P4HB: variants seen among roughly 807,000 people sequenced by gnomAD.
P4HB encodes the protein protein disulfide-isomerase.
A neutral mutation model predicts 52.6 loss-of-function variants in P4HB; 20 were observed. The observed-to-expected ratio is 0.38, with a 90% CI of 0.27 to 0.55. P4HB has a LOEUF of 0.55. P4HB is among the 20% of genes least tolerant of loss of function. The pLI is 0.74. For synonymous variants in P4HB, 296 were observed against 277.9 expected (o/e 1.07, Z -0.65); for missense variants, 601 against 669.2 (o/e 0.90, Z 1.12).
chr17:81,848,737 A>C (rs2038779581), intron 4 of P4HB, among the ~76,000 whole-genome samples: 1 of 75,966 alleles, frequency 1.3e-5, no homozygotes, highest in Non-Finnish European at 2.6e-5. Flanking sequence ...ACTCTGTCTC[A>C]AAAAAAAAAA....
chr17:81,850,423 A>C (rs1039760775), intron 4 of P4HB, among the ~76,000 whole-genome samples: 2 of 152,130 alleles, frequency 1.3e-5, no homozygotes, highest in African/African-American at 2.4e-5. Context: ...GGTGTGAGCC[A>C]CTGCACCTGG....
At chr17:81,847,105 T>G (rs2038747325) in intron 5 of P4HB, 33 bp from the exon 6 acceptor site, 2 of 1,613,440 alleles carry the variant, frequency 1.2e-6, no homozygotes, top group Middle Eastern at 1.6e-4. Flanking sequence ...TGGGTCTGAG[T>G]CACACACTAT....
At chr17:81,858,041 C>T (rs1202579014) in intron 2 of P4HB, among the ~76,000 whole-genome samples, 2 of 151,884 alleles carry the variant, frequency 1.3e-5, no homozygotes, top group South Asian at 2.1e-4. Context: ...TCTAGGAGGC[C>T]GAGACGGGTG....
Position 81,860,510 on chromosome 17 carries a change from G to A in P4HB, c.-39C>T, listed in dbSNP as rs1485856838. 4 of 1,239,418 alleles carry A rather than the reference G, an allele frequency of 3.2e-6. No individual in the cohort carries two copies. Among genetic ancestry groups the A allele is most frequent in the Non-Finnish European group, 4.0e-6 (4 of 989,660 alleles). The allele number at this position is 1,239,418 out of a possible 1,614,324, so 76.8% of individuals were successfully genotyped here. A position where few individuals can be genotyped will look rare whatever the true frequency, so the allele number is the denominator to read the frequency against. ...CAGGCGGGGCGCTTCGGTTGGCGCC[G>A]CCGGGACAGCGGGGGCGACGAGAGC... On this transcript the variant is annotated 5_prime_UTR_variant, in exon 1 of 11. Coordinates refer to ENST00000331483, the MANE Select transcript of P4HB (RefSeq NM_000918.4).
chr17:81,844,152 C>A (rs2038695650), intron 10 of P4HB, 60 bp from the exon 11 acceptor site: 1 of 1,135,610 alleles, frequency 8.8e-7, no homozygotes, highest in East Asian at 2.3e-5. Flanking sequence ...AGGCTGCCGG[C>A]CCCCAGCACC....
intron 2 of P4HB, among the ~76,000 whole-genome samples, chr17:81,856,323 C>A (rs539787463): frequency 6.6e-6 from 1 of 151,058 alleles, no homozygotes; most frequent in Non-Finnish European, 1.5e-5. Context: ...TGTGCCACCA[C>A]ACCCAACTAA....
Position 81,846,433 on chromosome 17 carries a change from A to C in P4HB, c.1052T>G (p.Ile351Ser). The C allele has an allele frequency of 6.2e-7, 1 of 1,613,238 alleles. No individual in the cohort carries two copies. The highest frequency in any genetic ancestry group is 8.5e-7 in the Non-Finnish European group (1 of 1,179,990). ...GGCCCGGGGACGCGCCTGCACCTTG[A>C]TTTTGCCCTCCAGGAAGCGGTGGCA... Reference protein sequence around the residue: ...EFCHRFLEGKIKPHLMSQELP... With the variant: ...EFCHRFLEGKSKPHLMSQELP... The change falls in exon 7 of 11, where the codon ATC becomes AGC. Residue 351 changes from isoleucine to serine, a missense_variant. By Grantham distance (142) the Ile-to-Ser change is moderately radical. Coordinates refer to ENST00000331483, the MANE Select transcript of P4HB (RefSeq NM_000918.4). This position sits in a 1 kb window ranked among gnomAD's most constrained non-coding sequence, Gnocchi z 5.7.
At chr17:81,851,088 G>A (rs942096126) in intron 4 of P4HB, among the ~76,000 whole-genome samples, 2 of 151,988 alleles carry the variant, frequency 1.3e-5, no homozygotes, top group East Asian at 1.9e-4. Context: ...CCGCCACCAC[G>A]CCCGGCTAAT....
chr17:81,848,062 C>T (rs921700435), intron 4 of P4HB, among the ~76,000 whole-genome samples: 4 of 152,042 alleles, frequency 2.6e-5, no homozygotes, highest in Admixed American at 6.6e-5. Flanking sequence ...CCGCCACCAC[C>T]GGCTAATTTT....
At position 81,859,300 on chromosome 17, in the gene P4HB, C is replaced by G. The variant is rs377276762; in HGVS notation, c.233G>C (p.Arg78Thr). Residue 78 changes from arginine to threonine, a missense_variant, in exon 2 of 11, where the codon AGG becomes ACG. Arg to Thr is a moderately conservative substitution (Grantham distance 71, BLOSUM62 -1). Transcript: ENST00000331483. ...GKLKAEGSEIRLAKVDATEES... is the reference protein window; with the variant it reads ...GKLKAEGSEITLAKVDATEES... Reference sequence around the variant, plus strand: ...CTCCGTGGCGTCCACCTTGGCCAACCTGATCTCGGAACCTTCTGCCTTCAG... The same window carrying G: ...CTCCGTGGCGTCCACCTTGGCCAACGTGATCTCGGAACCTTCTGCCTTCAG... 17 of 1,613,926 alleles carry G rather than the reference C, an allele frequency of 1.1e-5. No individual in the cohort carries two copies. The highest frequency in any genetic ancestry group is 6.6e-5 in the South Asian group (6 of 91,092).
intron 4 of P4HB, among the ~76,000 whole-genome samples, chr17:81,852,351 G>C (rs1287829624): frequency 6.6e-6 from 1 of 152,118 alleles, no homozygotes; most frequent in Non-Finnish European, 1.5e-5. Context: ...GGCCACACAA[G>C]AGCACCCGAC....
chr17:81,858,973 G>C lies in P4HB; in HGVS notation c.352+208C>G, dbSNP rs2038956856. 8.6e-6 allele frequency: 5 copies of C among 581,112 alleles called. No homozygotes were observed. In the South Asian group the frequency reaches 1.0e-4, roughly 12 times the overall value. 36.0% of individuals were successfully genotyped at this position (581,112 alleles called of 1,614,324 possible). A position where few individuals can be genotyped will look rare whatever the true frequency, so the allele number is the denominator to read the frequency against. On this transcript the variant is annotated intron_variant, in intron 2 of 10. Coordinates refer to ENST00000331483, the MANE Select transcript of P4HB (RefSeq NM_000918.4). Reference sequence around the variant, plus strand: ...CCCCAGGATGGCACCAGACAAGACAGGTTCTCCATTCGAAGGTTCTTCCAG... The same window carrying C: ...CCCCAGGATGGCACCAGACAAGACACGTTCTCCATTCGAAGGTTCTTCCAG...
chr17:81,860,150 C>G, intron 1 of P4HB, 177 bp downstream of exon 1: 3 of 477,294 alleles, frequency 6.3e-6, no homozygotes, highest in Non-Finnish European at 1.0e-5. Flanking sequence ...CGGCTCCCAG[C>G]CCGGCTCTCA....
chr17:81,855,491 C>T lies in P4HB; in HGVS notation c.448G>A (p.Val150Met). 2.5e-6 allele frequency: 4 copies of T among 1,613,966 alleles called. No homozygotes were observed. Among genetic ancestry groups the T allele is most frequent in the Non-Finnish European group, 3.4e-6 (4 of 1,180,004 alleles). ...ATGACAGCCACCTCGCTGGACTCCACCAAGGACTCTGCAGCTGCGCCGTCA... is the reference window on the plus strand; with the variant it reads ...ATGACAGCCACCTCGCTGGACTCCATCAAGGACTCTGCAGCTGCGCCGTCA... ...LPDGAAAESL[V>M]ESSEVAVIGF... Residue 150 changes from valine (V) to methionine (M), a missense_variant, in exon 3 of 11, where the codon GTG (valine) becomes ATG (methionine). Physicochemically the swap from Val to Met is conservative, Grantham distance 21. Transcript: ENST00000331483. This position sits in a 1 kb window ranked among gnomAD's most constrained non-coding sequence, Gnocchi z 4.3.
chr17:81,855,356 G>C lies in P4HB; in HGVS notation c.487-77C>G. 6.2e-7 allele frequency: 1 copy of C among 1,601,554 alleles called. No individual in the cohort carries two copies. The highest frequency in any genetic ancestry group is 8.5e-7 in the Non-Finnish European group (1 of 1,170,838). ...GTAGGGCAGACCCTGTAGAGCCCAGGCCAGGGGGGACACGTGCAGAACTGC... is the reference window on the plus strand; with the variant it reads ...GTAGGGCAGACCCTGTAGAGCCCAGCCCAGGGGGGACACGTGCAGAACTGC... On this transcript the variant is annotated intron_variant, in intron 3 of 10. Transcript: ENST00000331483. The surrounding 1 kb of genome is among the most constrained non-coding windows in gnomAD (Gnocchi z 4.3).
At position 81,845,956 on chromosome 17, in the gene P4HB, C is replaced by T; in HGVS notation, c.1092G>A (p.Trp364Ter). 1 of 1,612,858 alleles carries T rather than the reference C, an allele frequency of 6.2e-7. No homozygotes were observed. The highest frequency in any genetic ancestry group is 8.5e-7 in the Non-Finnish European group (1 of 1,179,472). ...CAAGCACCTTGACAGGCTGCTTGTC[C>T]CAGTCCTCCGGCAGCTCCTGGCTCA... ...HLMSQELPED[W>*]DKQPVKVLVG... The change falls in exon 8 of 11, where the codon TGG (tryptophan) becomes TGA (stop). Residue 364 changes from tryptophan (W) to a stop codon, truncating the protein, a stop_gained. Transcript: ENST00000331483. LOFTEE classifies it high-confidence loss of function.
intron 4 of P4HB, among the ~76,000 whole-genome samples, chr17:81,853,528 C>G (rs538219332): frequency 6.6e-6 from 1 of 151,550 alleles, no homozygotes; most frequent in African/African-American, 2.4e-5. Context: ...GAGCTGAGAT[C>G]GCGCCACTGC....
chr17:81,858,866 G>C, intron 2 of P4HB: 1 of 343,738 alleles, frequency 2.9e-6, no homozygotes, highest in South Asian at 3.3e-5. Context: ...ACAGGGGGCA[G>C]CACAAACAGC....
intron 2 of P4HB, among the ~76,000 whole-genome samples, chr17:81,858,257 CAAAAAAAA>C (rs901002093): frequency 0.014 from 542 of 38,788 alleles, 3 homozygotes; most frequent in Non-Finnish European, 0.023. Context: ...GAGACTGTCT[CAAAAAAAA>C]AAAAAAAAAA....
Sources: allele counts gnomAD v4.1 joint callset (sites outside exome capture counted in the v4.1 genomes callset), GRCh38; gene constraint gnomAD v4.1.1; non-coding constraint Gnocchi (gnomAD v3.1); transcripts MANE v1.5; gene names NCBI Gene and HGNC (gene_info 2026-07-23, HGNC 2026-07-21).